Variants in METTL2B observed in about 807,000 individuals in gnomAD.
METTL2B encodes the protein methyltransferase 2B, tRNA N3-cytidine.
A neutral mutation model predicts 51.0 loss-of-function variants in METTL2B; 28 were observed. The observed-to-expected ratio is 0.55, with a 90% CI of 0.41 to 0.75. The LOEUF (loss-of-function observed/expected upper bound fraction) is 0.75, where lower values mean the gene tolerates loss of function less well. METTL2B is among the 30% of genes least tolerant of loss of function. METTL2B has a pLI of 0.00. For synonymous variants in METTL2B, 128 were observed against 166.3 expected (o/e 0.77, Z 1.77); for missense variants, 313 against 460.7 (o/e 0.68, Z 2.93).
At chr7:128,493,315 C>T (rs1279133030) in intron 5 of METTL2B, among the ~76,000 whole-genome samples, 1 of 151,896 alleles carries the variant, frequency 6.6e-6, no homozygotes, top group African/African-American at 2.4e-5. Context: ...TGGGTTCAAG[C>T]GATTCTCCTG....
rs1792876314 is a variant in METTL2B, at chr7:128,493,749, T to C, written c.670-55T>C. On this transcript the variant is annotated intron_variant, in intron 5 of 8. Transcript: ENST00000262432. ...TAAAATTTAAAACAAGATAATCTTT[T>C]CTTTGGGCTATGTTAATATTTTCTA... is the stretch of plus-strand genomic sequence containing the variant. The C allele has an allele frequency of 4.5e-6, 7 of 1,544,596 alleles. No individual in the cohort carries two copies. The South Asian group carries it at 8.6e-5, about 19-fold the overall frequency.
At chr7:128,492,213 G>A (rs1338737438) in intron 5 of METTL2B, among the ~76,000 whole-genome samples, 1 of 151,378 alleles carries the variant, frequency 6.6e-6, no homozygotes, top group Non-Finnish European at 1.5e-5. Flanking sequence ...CTGGAGTGCA[G>A]TGGCGTGATC....
chr7:128,496,937 TC>T (rs1426411727), intron 6 of METTL2B, among the ~76,000 whole-genome samples: 16 of 152,096 alleles, frequency 1.1e-4, no homozygotes, highest in Admixed American at 1.0e-3. Flanking sequence ...CCTGCCACCA[TC>T]CCTGGCTAAT....
At chr7:128,484,245 T>TG (rs1491317694) in intron 4 of METTL2B, 3 of 131,124 alleles carry the variant, frequency 2.3e-5, no homozygotes, top group Non-Finnish European at 4.8e-5. Context: ...TTTTTTTTTT[T>TG]GAGACAGGAT....
At chr7:128,481,183 G>A (rs1415769124) in intron 4 of METTL2B, among the ~76,000 whole-genome samples, 1 of 152,186 alleles carries the variant, frequency 6.6e-6, no homozygotes, top group African/African-American at 2.4e-5. Context: ...AAACACACTG[G>A]TTTTGTGTAC....
In METTL2B at chr7:128,479,314, A is replaced by G; in HGVS notation, c.359A>G (p.Lys120Arg). Residue 120 changes from lysine (K) to arginine (R), a missense_variant, in exon 3 of 9, where the codon AAG (lysine) becomes AGG (arginine). This residue lies in a region of METTL2B where 67 missense variants were observed against 101.4 expected (regional missense o/e 0.66). Transcript: ENST00000262432. The stretch of plus-strand genomic sequence containing the variant: ...TTGAAGGATTGGTTCTTGGAGAACA[A>G]GAGTGAAGTATGTGAATGTAGAAAC... The part of the protein sequence containing the change: ...NHLKDWFLEN[K>R]SEVCECRNNE... The G allele has an allele frequency of 6.2e-7, 1 of 1,614,236 alleles. No homozygotes were observed. Among genetic ancestry groups the G allele is most frequent in the South Asian group, 1.1e-5 (1 of 91,092 alleles).
intron 4 of METTL2B, among the ~76,000 whole-genome samples, chr7:128,482,136 G>C (rs951137488): frequency 6.6e-6 from 1 of 152,124 alleles, no homozygotes; most frequent in African/African-American, 2.4e-5. Context: ...CATAAATTCA[G>C]TGTGGTCCTG....
chr7:128,495,002 C>T (rs191040973), intron 6 of METTL2B, among the ~76,000 whole-genome samples: 4,923 of 151,432 alleles, frequency 0.033, 118 homozygotes, highest in Non-Finnish European at 0.042. Flanking sequence ...GCAACCTCCA[C>T]CTCCCGGGTT....
intron 4 of METTL2B, among the ~76,000 whole-genome samples, chr7:128,481,129 G>A (rs1473117695): frequency 6.6e-6 from 1 of 152,214 alleles, no homozygotes; most frequent in African/African-American, 2.4e-5. Context: ...CCATGGTAGA[G>A]TTGAGAAAGC....
intron 7 of METTL2B, among the ~76,000 whole-genome samples, chr7:128,499,027 A>C (rs1416965225): frequency 6.6e-6 from 1 of 152,082 alleles, no homozygotes; most frequent in African/African-American, 2.4e-5. Context: ...TCTGAAAGAC[A>C]TAAATAATTT....
At chr7:128,501,731 A>G in intron 8 of METTL2B, 31 bp from the exon 9 acceptor site, 4 of 1,609,618 alleles carry the variant, frequency 2.5e-6, no homozygotes, top group Admixed American at 1.7e-5. Flanking sequence ...TGAGGGGAAA[A>G]TGCATAAACA....
rs1325655959 is a variant in METTL2B, at chr7:128,476,866, A to G, written c.101A>G (p.His34Arg). 9.9e-6 allele frequency: 16 copies of G among 1,614,002 alleles called. No homozygotes were observed. The highest frequency in any genetic ancestry group is 1.7e-4 in the Middle Eastern group (1 of 6,060). The change falls in exon 1 of 9, where the codon CAC becomes CGC. Residue 34 changes from histidine (H) to arginine (R), a missense_variant. Around this residue, in one of 4 missense-constraint regions of METTL2B, gnomAD observed 66 missense variants for 58.2 expected, o/e 1.13. Coordinates refer to ENST00000262432, the MANE Select transcript of METTL2B (RefSeq NM_018396.3). Reference sequence around the variant, plus strand: ...AGCGATCCGGCGCGCGTCTTCCACCACAATGCCTGGTAATCACCCTGCCCC... The same window carrying G: ...AGCGATCCGGCGCGCGTCTTCCACCGCAATGCCTGGTAATCACCCTGCCCC... Reference protein sequence around the residue: ...FLSDPARVFHHNAWDNVEWSE... With the variant: ...FLSDPARVFHRNAWDNVEWSE...
At chr7:128,488,450 A>G in intron 5 of METTL2B, 1 of 582,672 alleles carries the variant, frequency 1.7e-6, no homozygotes. Flanking sequence ...TCTGTGTGTC[A>G]TGCTTTGGTG....
intron 6 of METTL2B, among the ~76,000 whole-genome samples, chr7:128,494,475 CT>C (rs1792889092): frequency 6.6e-6 from 1 of 152,160 alleles, no homozygotes; most frequent in African/African-American, 2.4e-5. Flanking sequence ...TCTTCATTTC[CT>C]TGTTGTGGCT....
chr7:128,500,328 GA>G (rs1056142093), intron 7 of METTL2B, among the ~76,000 whole-genome samples: 2 of 151,586 alleles, frequency 1.3e-5, no homozygotes, highest in Non-Finnish European at 2.9e-5. Flanking sequence ...CTTAATTAAA[GA>G]AAAAAAATAG....
intron 5 of METTL2B, among the ~76,000 whole-genome samples, chr7:128,489,629 C>CTTTTTTTTT: frequency 9.0e-6 from 1 of 111,062 alleles, no homozygotes; most frequent in Non-Finnish European, 1.7e-5. Context: ...CTGGCAATTT[C>CTTTTTTTTT]TTTTTTTTTT....
chr7:128,500,025 G>A (rs144758599), intron 7 of METTL2B, among the ~76,000 whole-genome samples: 9 of 152,042 alleles, frequency 5.9e-5, no homozygotes, highest in Non-Finnish European at 1.2e-4. Flanking sequence ...AGTGAGAGGA[G>A]AGCAATGTGC....
At chr7:128,500,751 T>C in intron 7 of METTL2B, 152 bp from the exon 8 acceptor site, 1 of 770,836 alleles carries the variant, frequency 1.3e-6, no homozygotes, top group Non-Finnish European at 2.1e-6. Flanking sequence ...TTTCTGACAT[T>C]GTGACTTACT....
chr7:128,506,554 G>GC lies in METTL2B; in HGVS notation c.*4638_*4639insC, dbSNP rs1793122966. On this transcript the variant is annotated 3_prime_UTR_variant, in exon 9 of 9. Transcript: ENST00000262432. ...GTTACATGTGTTGGGAGGGATTAAAGTATATGACCTCAGTGCCACTTAAAA... is the reference window on the plus strand; with the variant it reads ...GTTACATGTGTTGGGAGGGATTAAAGCTATATGACCTCAGTGCCACTTAAAA... The GC allele has an allele frequency of 6.6e-6, 1 of 152,324 alleles. No individual in the cohort carries two copies. Among genetic ancestry groups the GC allele is most frequent in the South Asian group, 2.1e-4 (1 of 4,828 alleles). The allele number at this position is 152,324 out of a possible 1,614,324, so 9.4% of individuals were successfully genotyped here. A position where few individuals can be genotyped will look rare whatever the true frequency, so the allele number is the denominator to read the frequency against.
Sources: allele counts gnomAD v4.1 joint callset (sites outside exome capture counted in the v4.1 genomes callset), GRCh38; gene constraint gnomAD v4.1.1; regional missense constraint gnomAD v4.1.1; transcripts MANE v1.5; gene names NCBI Gene and HGNC (gene_info 2026-07-23, HGNC 2026-07-21).